ZFYVE28: variants seen among roughly 807,000 people sequenced by gnomAD.
The protein encoded by ZFYVE28 is zinc finger FYVE-type containing 28.
Under a neutral mutation model 82.1 loss-of-function variants are expected in ZFYVE28, and 40 were observed. The ratio of observed to expected loss-of-function variants is 0.49; its 90% CI spans 0.38 to 0.63. The LOEUF (loss-of-function observed/expected upper bound fraction) is 0.63, where lower values mean the gene tolerates loss of function less well. ZFYVE28 is among the 30% of genes least tolerant of loss of function. The probability of loss-of-function intolerance (pLI) is 0.00; values close to 1 mark genes in which losing one functional copy is unlikely to be tolerated. For synonymous variants in ZFYVE28, 612 were observed against 546.1 expected (o/e 1.12, Z -1.68); for missense variants, 1,321 against 1,242.1 (o/e 1.06, Z -0.96).
Position 2,320,055 on chromosome 4 carries a change from C to G in ZFYVE28, c.803+115G>C. The stretch of plus-strand genomic sequence containing the variant: ...CCCTAGGGAATATTAACCAGCCCAT[C>G]CTTCCTCACAGAGAGGAGGAGGACC... On this transcript the variant is annotated intron_variant, in intron 7 of 12. Transcript: ENST00000290974. The surrounding 1 kb of genome is among the most constrained non-coding windows in gnomAD (Gnocchi z 5.1). The G allele has an allele frequency of 1.0e-6, 1 of 960,808 alleles. No homozygotes were observed. The highest frequency in any genetic ancestry group is 1.6e-6 in the Non-Finnish European group (1 of 626,082). The allele number at this position is 960,808 out of a possible 1,614,324, so 59.5% of individuals were successfully genotyped here.
rs6839739 is a variant in ZFYVE28 at position 2,321,075 on chromosome 4, T to C, written c.702-804A>G. On this transcript the variant is annotated intron_variant, in intron 6 of 12. Transcript: ENST00000290974. ...GGCACCCATCCCAGAGGACCTTCTC[T>C]GGGTGCCTCCTCCTGGGTCTCTTGG... Among the ~76,000 whole-genome samples, 342 of 152,226 alleles carry C rather than the reference T, an allele frequency of 2.2e-3. 3 individuals are homozygous for C. Among genetic ancestry groups the C allele is most frequent in the African/African-American group, 7.6e-3 (316 of 41,558 alleles).
chr4:2,293,787 A>G (rs889861818), intron 8 of ZFYVE28, among the ~76,000 whole-genome samples: 1 of 151,046 alleles, frequency 6.6e-6, no homozygotes, highest in Admixed American at 6.6e-5. Flanking sequence ...TAGAAGATCT[A>G]CAAAAATCAG....
At chr4:2,338,978 T>A (rs1722312461) in intron 4 of ZFYVE28, among the ~76,000 whole-genome samples, 1 of 139,954 alleles carries the variant, frequency 7.1e-6, no homozygotes, top group East Asian at 2.1e-4. Context: ...CCCGGCTAAT[T>A]TTTTGTATTT....
chr4:2,323,939 A>G (rs978149123), intron 6 of ZFYVE28, among the ~76,000 whole-genome samples: 5 of 151,934 alleles, frequency 3.3e-5, no homozygotes, highest in Non-Finnish European at 7.4e-5. Context: ...AATCCAGTCT[A>G]TCATTGTTGG....
chr4:2,301,757 T>C (rs945815129), intron 8 of ZFYVE28, among the ~76,000 whole-genome samples: 15 of 151,934 alleles, frequency 9.9e-5, no homozygotes, highest in African/African-American at 3.4e-4. Context: ...CATGTCAAAC[T>C]CGGAGAAAAA....
chr4:2,414,573 A>G (rs985965683), intron 1 of ZFYVE28, among the ~76,000 whole-genome samples: 6 of 152,260 alleles, frequency 3.9e-5, no homozygotes, highest in African/African-American at 1.4e-4. Context: ...AAGGTTGAGC[A>G]TGGTAACCAG....
chr4:2,313,603 T>C (rs1401060272), intron 7 of ZFYVE28, among the ~76,000 whole-genome samples: 1 of 151,954 alleles, frequency 6.6e-6, no homozygotes, highest in Non-Finnish European at 1.5e-5. Context: ...CGGTGGCTCA[T>C]GTGTGTAATC....
rs1324068787 is a variant in ZFYVE28, at chr4:2,408,658, T to C, written c.39+9627A>G. 6.6e-6 allele frequency among the ~76,000 whole-genome samples: 1 copy of C among 151,968 alleles called. No homozygotes were observed. The highest frequency in any genetic ancestry group is 2.4e-5 in the African/African-American group (1 of 41,334). ...CCTAGATGATGGCGCCCCATCCAGA[T>C]AGAGTCCCGCCCAGATGAGTACCAC... On this transcript the variant is annotated intron_variant, in intron 1 of 12. Transcript: ENST00000290974. The surrounding 1 kb of genome is among the most constrained non-coding windows in gnomAD (Gnocchi z 4.3).
At chr4:2,334,656 C>T (rs1257746445) in intron 6 of ZFYVE28, among the ~76,000 whole-genome samples, 1 of 151,170 alleles carries the variant, frequency 6.6e-6, no homozygotes, top group Non-Finnish European at 1.5e-5. Flanking sequence ...CTGACATCCA[C>T]ATCTCCACGG....
In ZFYVE28 at chr4:2,304,774, T is replaced by C. The variant is rs1457418792; in HGVS notation, c.1566A>G (p.Lys522=). The C allele has an allele frequency of 5.0e-6, 8 of 1,612,466 alleles. No individual in the cohort carries two copies. The highest frequency in any genetic ancestry group is 1.3e-5 in the African/African-American group (1 of 74,874). The change falls in exon 8 of 13, where the codon AAA becomes AAG. Residue 522 remains lysine, a synonymous_variant. Coordinates refer to ENST00000290974, the MANE Select transcript of ZFYVE28 (RefSeq NM_020972.3). The part of the protein sequence containing the change: ...KLSATVIFNP[K]SPTSLDSAVA... ...CCGCAGAGTCCAGGGAAGTGGGCGA[T>C]TTGGGGTTGAAGATGACCGTGGCTG...
chr4:2,270,907 C>G, intron 12 of ZFYVE28, 51 bp from the exon 13 acceptor site: 1 of 1,587,892 alleles, frequency 6.3e-7, no homozygotes, highest in Admixed American at 1.8e-5. Flanking sequence ...GCCCCACCCA[C>G]CCTGGCTCCT....
rs1257391469 is a variant in ZFYVE28 at position 2,354,007 on chromosome 4, C to G, written c.106G>C (p.Glu36Gln). Residue 36 changes from glutamate to glutamine, a missense_variant, in exon 2 of 13, where the codon GAG becomes CAG. Glu to Gln is a conservative substitution (Grantham distance 29). Transcript: ENST00000290974. Reference protein sequence around the residue: ...ADEELNQVAAELDSLDGRKDP... With the variant: ...ADEELNQVAAQLDSLDGRKDP... ...TTCCGCCCATCCAGGCTGTCCAGCT[C>G]CGCGGCCACCTGGTTCAGCTCCTCG... 6.3e-7 allele frequency: 1 copy of G among 1,586,196 alleles called. No homozygotes were observed. Among genetic ancestry groups the G allele is most frequent in the Admixed American group, 1.8e-5 (1 of 56,882 alleles).
At chr4:2,387,677 T>C (rs1729418305) in intron 1 of ZFYVE28, among the ~76,000 whole-genome samples, 2 of 152,144 alleles carry the variant, frequency 1.3e-5, no homozygotes, top group Admixed American at 1.3e-4. Context: ...GGTTCTGGAA[T>C]ACTGGTTGAA....
chr4:2,336,347 T>G (rs1414602984), intron 5 of ZFYVE28, among the ~76,000 whole-genome samples: 1 of 152,216 alleles, frequency 6.6e-6, no homozygotes, highest in East Asian at 1.9e-4. Flanking sequence ...TTCTGATAAT[T>G]TGAAATATCT....
intron 6 of ZFYVE28, chr4:2,325,102 G>A (rs1174409403): frequency 6.6e-6 from 1 of 152,154 alleles, no homozygotes; most frequent in Non-Finnish European, 1.5e-5. Flanking sequence ...ATACTCTCAC[G>A]TTTCATGGTT....
chr4:2,415,632 A>G (rs1200145943), intron 1 of ZFYVE28, among the ~76,000 whole-genome samples: 1 of 152,202 alleles, frequency 6.6e-6, no homozygotes, highest in African/African-American at 2.4e-5. Flanking sequence ...ACATCCTCCC[A>G]CAGCTAATGT....
At chr4:2,290,936 C>G (rs1713559435) in intron 8 of ZFYVE28, among the ~76,000 whole-genome samples, 1 of 152,240 alleles carries the variant, frequency 6.6e-6, no homozygotes, top group Admixed American at 6.5e-5. Context: ...TTATTATGGT[C>G]TGGGAAACTA....
At chr4:2,414,049 C>A (rs770069384) in intron 1 of ZFYVE28, among the ~76,000 whole-genome samples, 4 of 152,272 alleles carry the variant, frequency 2.6e-5, no homozygotes, top group South Asian at 2.1e-4. Flanking sequence ...CCCCACCCCC[C>A]ACTCTGGGGC....
intron 1 of ZFYVE28, among the ~76,000 whole-genome samples, chr4:2,415,450 C>CCACACACACACACACACA (rs1560365768): frequency 2.0e-5 from 1 of 50,982 alleles, no homozygotes; most frequent in African/African-American, 1.5e-4. Flanking sequence ...GACCCTGTCT[C>CCACACACACACACACACA]TACACACACA....
Sources: gnomAD v4.1 joint callset for allele counts (sites outside exome capture counted in the v4.1 genomes callset) on GRCh38, gnomAD v4.1.1 for gene constraint, Gnocchi (gnomAD v3.1) non-coding constraint, MANE v1.5 for transcripts, NCBI Gene and HGNC (gene_info 2026-07-23, HGNC 2026-07-21) for gene names.